The following TSC22D1 variants were observed in gnomAD, a reference collection of about 807,000 sequenced individuals.
The protein encoded by TSC22D1 is TSC22 domain family protein 1.
TSC22D1 carries 9 observed loss-of-function variants against 74.2 expected under a neutral mutation model. The ratio of observed to expected loss-of-function variants is 0.12; its 90% CI spans 0.07 to 0.21. The LOEUF (loss-of-function observed/expected upper bound fraction) is 0.21, where lower values mean the gene tolerates loss of function less well. Ranked by LOEUF, TSC22D1 falls within the 10% of genes least tolerant of loss-of-function variation. The pLI is 1.00. For synonymous variants in TSC22D1, 586 were observed against 492.5 expected (o/e 1.19, Z -2.51); for missense variants, 1,427 against 1,304.7 (o/e 1.09, Z -1.44).
intron 1 of TSC22D1, among the ~76,000 whole-genome samples, chr13:44,552,400 T>C (rs1307492761): frequency 6.6e-6 from 1 of 152,196 alleles, no homozygotes; most frequent in Non-Finnish European, 1.5e-5. Flanking sequence ...CTGATGGCAA[T>C]TGAAGCACGT....
chr13:44,548,404 C>G (rs1389788949), intron 1 of TSC22D1, among the ~76,000 whole-genome samples: 1 of 152,118 alleles, frequency 6.6e-6, no homozygotes, highest in East Asian at 1.9e-4. Context: ...GAGTGAGACT[C>G]CATCTCAAAT....
In TSC22D1 at chr13:44,433,841, GCAGT is replaced by G. The variant is rs1874264413; in HGVS notation, c.*781_*784del. 2 of 725,364 alleles carry G rather than the reference GCAGT, an allele frequency of 2.8e-6. No individual in the cohort carries two copies. The highest frequency in any genetic ancestry group is 4.1e-6 in the Non-Finnish European group (2 of 488,766). The allele number at this position is 725,364 out of a possible 1,614,324, so 44.9% of individuals were successfully genotyped here. A position where few individuals can be genotyped will look rare whatever the true frequency, so the allele number is the denominator to read the frequency against. On this transcript the variant is annotated 3_prime_UTR_variant, in exon 3 of 3. Transcript: ENST00000458659. The stretch of plus-strand genomic sequence containing the variant: ...CTTTAGGTGTGGTTTTTGTCATGTA[GCAGT>G]TTTTATGTAGATCTATATATAAAAG...
upstream of TSC22D1, chr13:44,576,393 G>C (rs139645582): frequency 6.7e-3 from 1,916 of 284,988 alleles, 15 homozygotes; most frequent in Middle Eastern, 9.9e-3. Flanking sequence ...CAGGAGGGAG[G>C]GGGAGAGCGC....
At chr13:44,510,087 A>C (rs1879638617) in intron 1 of TSC22D1, among the ~76,000 whole-genome samples, 1 of 151,904 alleles carries the variant, frequency 6.6e-6, no homozygotes, top group South Asian at 2.1e-4. Flanking sequence ...AGGAGTCTTA[A>C]AAATGTTTAT....
At chr13:44,497,108 T>C (rs944966810) in intron 1 of TSC22D1, among the ~76,000 whole-genome samples, 1 of 152,222 alleles carries the variant, frequency 6.6e-6, no homozygotes, top group African/African-American at 2.4e-5. Flanking sequence ...CCTGTTCTAA[T>C]GTTCACAGGA....
intron 1 of TSC22D1, among the ~76,000 whole-genome samples, chr13:44,562,013 G>A (rs1883074138): frequency 1.3e-5 from 2 of 151,912 alleles, no homozygotes; most frequent in South Asian, 4.2e-4. Flanking sequence ...ATCATCTAAG[G>A]ACAATTTCAA....
At chr13:44,562,351 T>C (rs1203737899) in intron 1 of TSC22D1, among the ~76,000 whole-genome samples, 1 of 152,226 alleles carries the variant, frequency 6.6e-6, no homozygotes, top group Non-Finnish European at 1.5e-5. Context: ...CAAAAAATTA[T>C]ATTTCTTTAT....
At chr13:44,465,330 A>G (rs1054173998) in intron 1 of TSC22D1, among the ~76,000 whole-genome samples, 1 of 152,216 alleles carries the variant, frequency 6.6e-6, no homozygotes, top group Non-Finnish European at 1.5e-5. Context: ...AGAAAGCTAT[A>G]TTCACGTCAT....
chr13:44,447,383 G>A (rs1031329596), intron 1 of TSC22D1, among the ~76,000 whole-genome samples: 1 of 152,090 alleles, frequency 6.6e-6, no homozygotes, highest in African/African-American at 2.4e-5. Context: ...TATATTCATT[G>A]AGGAGACCTA....
intron 1 of TSC22D1, among the ~76,000 whole-genome samples, chr13:44,447,121 A>C (rs1489938606): frequency 6.6e-6 from 1 of 151,732 alleles, no homozygotes; most frequent in African/African-American, 2.4e-5. Flanking sequence ...TATTTCTATG[A>C]ATTCGGCTAC....
chr13:44,574,216 C>T lies in TSC22D1; in HGVS notation c.1859G>A (p.Gly620Glu), dbSNP rs985492004. The part of the protein sequence containing the change: ...AAPPVQTPLP[G>E]APPPQQLQYG... ...CTGTAACTGTTGGGGTGGTGGTGCC[C>T]CTGGAAGGGGAGTTTGCACTGGAGG... Residue 620 changes from glycine to glutamate, a missense_variant, in exon 1 of 3, where the codon GGG becomes GAG. By Grantham distance (98) the Gly-to-Glu change is moderately conservative (BLOSUM62 -2). Transcript: ENST00000458659. 6.2e-7 allele frequency: 1 copy of T among 1,614,026 alleles called. No homozygotes were observed. The highest frequency in any genetic ancestry group is 8.5e-7 in the Non-Finnish European group (1 of 1,180,036).
At position 44,490,937 on chromosome 13, in the gene TSC22D1, A is replaced by AAT. The variant is rs1555267391; in HGVS notation, c.2913-54844_2913-54843dup. Among the ~76,000 whole-genome samples, 18 of 149,744 alleles carry AAT rather than the reference A, an allele frequency of 1.2e-4. No individual in the cohort carries two copies. The South Asian group carries it at 1.9e-3, about 16-fold the overall frequency. ...AATGAAACTCCGTCTCATTAAAAAA[A>AAT]ATATATATACATATATATGTATATA... is the stretch of plus-strand genomic sequence containing the variant. On this transcript the variant is annotated intron_variant, in intron 1 of 2. Coordinates refer to ENST00000458659, the MANE Select transcript of TSC22D1 (RefSeq NM_183422.4).
At chr13:44,468,540 A>G (rs1463801774) in intron 1 of TSC22D1, among the ~76,000 whole-genome samples, 1 of 150,014 alleles carries the variant, frequency 6.7e-6, no homozygotes, top group East Asian at 1.9e-4. Context: ...TCCAGGTTTC[A>G]AAACAGTCTG....
intron 1 of TSC22D1, among the ~76,000 whole-genome samples, chr13:44,483,067 A>G (rs1000393329): frequency 2.6e-5 from 4 of 152,222 alleles, no homozygotes; most frequent in Middle Eastern, 3.2e-3. Context: ...AAATTTTAAA[A>G]AAGTAACTAC....
At chr13:44,490,612 T>C (rs1412970002) in intron 1 of TSC22D1, among the ~76,000 whole-genome samples, 1 of 152,052 alleles carries the variant, frequency 6.6e-6, no homozygotes, top group African/African-American at 2.4e-5. Context: ...ATAAAGAATA[T>C]ATAGGCTGGG....
chr13:44,572,203 T>C (rs2138247255), intron 1 of TSC22D1, among the ~76,000 whole-genome samples: 1 of 152,318 alleles, frequency 6.6e-6, no homozygotes, highest in African/African-American at 2.4e-5. Context: ...AACATTACTT[T>C]AAAAATCAAC....
chr13:44,503,245 T>A (rs1265129760), intron 1 of TSC22D1, among the ~76,000 whole-genome samples: 1 of 152,196 alleles, frequency 6.6e-6, no homozygotes, highest in Non-Finnish European at 1.5e-5. Flanking sequence ...AATACTAATA[T>A]AAAGGCTGCT....
chr13:44,448,563 T>C (rs1761046486), intron 1 of TSC22D1, among the ~76,000 whole-genome samples: 2 of 152,218 alleles, frequency 1.3e-5, no homozygotes, highest in African/African-American at 2.4e-5. Flanking sequence ...AAGTTGACTC[T>C]GTGTGCTGGG....
At chr13:44,458,695 G>A (rs1304538726) in intron 1 of TSC22D1, among the ~76,000 whole-genome samples, 1 of 152,134 alleles carries the variant, frequency 6.6e-6, no homozygotes, top group Non-Finnish European at 1.5e-5. Context: ...CTGCTCTCTG[G>A]TCTCTCCCCA....
Sources: gnomAD v4.1 joint callset for allele counts (sites outside exome capture counted in the v4.1 genomes callset) on GRCh38, gnomAD v4.1.1 for gene constraint, MANE v1.5 for transcripts, NCBI Gene and HGNC (gene_info 2026-07-23, HGNC 2026-07-21) for gene names.